RGS5: variants seen among roughly 807,000 people sequenced by gnomAD.
RGS5 encodes the protein regulator of G protein signaling 5, also known as regulator of G-protein signalling 5.
Under a neutral mutation model 18.9 loss-of-function variants are expected in RGS5, and 20 were observed. The ratio of observed to expected loss-of-function variants is 1.06; its 90% CI spans 0.74 to 1.54. RGS5 has a LOEUF of 1.54. Ranked by LOEUF, RGS5 falls within the 40% of genes most tolerant of loss-of-function variation. The pLI, the probability that RGS5 is intolerant of heterozygous loss-of-function variation, is 0.00. For synonymous variants in RGS5, 57 were observed against 76.2 expected (o/e 0.75, Z 1.31); for missense variants, 201 against 211.8 (o/e 0.95, Z 0.32).
chr1:163,245,471 T>C (rs889660042), intron 2 of RGS5, among the ~76,000 whole-genome samples: 2 of 152,250 alleles, frequency 1.3e-5, no homozygotes, highest in South Asian at 4.1e-4. Flanking sequence ...AACTTTAGCA[T>C]TGACATCATT....
upstream of RGS5, chr1:163,206,873 T>A (rs945544874): frequency 6.6e-6 from 1 of 152,198 alleles, no homozygotes; most frequent in African/African-American, 2.4e-5. Context: ...ACTAAGACAA[T>A]ATGAATTCAT....
At chr1:163,240,905 A>C (rs1647774580) in intron 2 of RGS5, among the ~76,000 whole-genome samples, 1 of 152,170 alleles carries the variant, frequency 6.6e-6, no homozygotes, top group Admixed American at 6.5e-5. Flanking sequence ...GTGATGGCAC[A>C]CGCCTATAGC....
chr1:163,287,205 T>C (rs1649166661), intron 2 of RGS5, among the ~76,000 whole-genome samples: 1 of 152,218 alleles, frequency 6.6e-6, no homozygotes, highest in Non-Finnish European at 1.5e-5. Flanking sequence ...TGTGTTTCCC[T>C]TCTTACCTTT....
At chr1:163,199,781 C>A (rs748141537) in intron 1 of RGS5, among the ~76,000 whole-genome samples, 4 of 151,950 alleles carry the variant, frequency 2.6e-5, no homozygotes, top group Non-Finnish European at 5.9e-5. Flanking sequence ...TCATTCCTCC[C>A]AAACTTTATT....
At chr1:163,183,954 T>C (rs1228742160) in intron 1 of RGS5, among the ~76,000 whole-genome samples, 1 of 152,206 alleles carries the variant, frequency 6.6e-6, no homozygotes, top group Non-Finnish European at 1.5e-5. Flanking sequence ...TCGAGGTACA[T>C]GCAAATCACA....
intron 2 of RGS5, among the ~76,000 whole-genome samples, chr1:163,163,126 C>T (rs770801641): frequency 3.3e-5 from 5 of 151,896 alleles, no homozygotes; most frequent in African/African-American, 4.8e-5. Context: ...CTGTCCCAGG[C>T]GCAGAATCAG....
At chr1:163,214,581 C>G (rs925653370) in intron 1 of RGS5, among the ~76,000 whole-genome samples, 5 of 152,118 alleles carry the variant, frequency 3.3e-5, no homozygotes, top group African/African-American at 1.2e-4. Context: ...TTCAGTCTCT[C>G]TTCAAGAACC....
At chr1:163,278,799 A>G (rs989447412) in intron 2 of RGS5, among the ~76,000 whole-genome samples, 5 of 152,134 alleles carry the variant, frequency 3.3e-5, no homozygotes, top group African/African-American at 1.2e-4. Flanking sequence ...GCTGCCTACA[A>G]GAAACTCACT....
chr1:163,188,982 A>G (rs1026570684), intron 1 of RGS5, among the ~76,000 whole-genome samples: 1 of 149,916 alleles, frequency 6.7e-6, no homozygotes, highest in Non-Finnish European at 1.5e-5. Context: ...AAGCTACTGT[A>G]AGGTTGTAAG....
upstream of RGS5, among the ~76,000 whole-genome samples, chr1:163,220,533 G>A (rs113458736): frequency 4.7e-4 from 72 of 151,952 alleles, no homozygotes; most frequent in African/African-American, 1.6e-3. Context: ...GATTCTTTAC[G>A]GTGACTTTCA....
chr1:163,171,653 A>G (rs1054977439), intron 1 of RGS5, among the ~76,000 whole-genome samples: 1 of 152,124 alleles, frequency 6.6e-6, no homozygotes, highest in Non-Finnish European at 1.5e-5. Context: ...TGATTTCCTG[A>G]TGCAAGAATA....
intron 2 of RGS5, among the ~76,000 whole-genome samples, chr1:163,274,657 A>C (rs898737750): frequency 6.6e-6 from 1 of 152,140 alleles, no homozygotes; most frequent in Non-Finnish European, 1.5e-5. Flanking sequence ...AGTTGGGGGC[A>C]CTCTGTGGGA....
chr1:163,173,450 A>AG lies in RGS5; in HGVS notation c.45-5083dup, dbSNP rs1295764887. On this transcript the variant is annotated intron_variant, in intron 1 of 4. Coordinates refer to ENST00000313961, the MANE Select transcript of RGS5 (RefSeq NM_003617.4). ...GTGTGGGTATGCTGGCTGGCTGGGA[A>AG]GTCAAAACTCAAAAGGCCACGGACC... is the stretch of plus-strand genomic sequence containing the variant. Among the ~76,000 whole-genome samples, 3 of 152,172 alleles carry AG rather than the reference A, an allele frequency of 2.0e-5. No individual in the cohort carries two copies. In the East Asian group the frequency reaches 5.8e-4, roughly 29 times the overall value.
chr1:163,218,003 T>C (rs1491001664), upstream of RGS5, among the ~76,000 whole-genome samples: 1 of 151,162 alleles, frequency 6.6e-6, no homozygotes, highest in Non-Finnish European at 1.5e-5. Context: ...ATGCCTGGAA[T>C]AGAGACAAGC....
chr1:163,307,644 T>C (rs1313640112), intron 1 of RGS5, among the ~76,000 whole-genome samples: 1 of 151,604 alleles, frequency 6.6e-6, no homozygotes, highest in Non-Finnish European at 1.5e-5. Context: ...GGAGCTTTAG[T>C]AACACATGAT....
chr1:163,168,101 A>G (rs773774575), intron 2 of RGS5, among the ~76,000 whole-genome samples, 157 bp downstream of exon 2: 3 of 152,186 alleles, frequency 2.0e-5, no homozygotes, highest in Non-Finnish European at 2.9e-5. Flanking sequence ...GTTGAGAAAA[A>G]AAAAAAGAGC....
At chr1:163,217,521 C>T (rs1303310227) in intron 1 of RGS5, 4 of 1,532,584 alleles carry the variant, frequency 2.6e-6, no homozygotes, top group Non-Finnish European at 3.5e-6. Context: ...AATATTTGTA[C>T]ATACATTGAT....
chr1:163,300,261 G>A (rs552988916), intron 2 of RGS5: 4 of 152,334 alleles, frequency 2.6e-5, no homozygotes, highest in South Asian at 2.1e-4. Context: ...TCACTGGGAC[G>A]GAAGAGTGTC....
At position 163,277,766 on chromosome 1, in the gene RGS5, T is replaced by G. The variant is rs7539787; in HGVS notation, c.-281+28467A>C. Among the ~76,000 whole-genome samples the G allele has an allele frequency of 4.9e-3, 747 of 152,100 alleles. 5 individuals carry two copies. Among genetic ancestry groups the G allele is most frequent in the African/African-American group, 0.017 (703 of 41,496 alleles). On this transcript the variant is annotated intron_variant, in intron 2 of 5. Transcript: ENST00000618415. ...CATGAGAGGAACACAAATAGATAAT[T>G]CAAAGAAATCAAGGAAACAATTCAT...
Sources: gnomAD v4.1 joint callset for allele counts (sites outside exome capture counted in the v4.1 genomes callset) on GRCh38, gnomAD v4.1.1 for gene constraint, MANE v1.5 for transcripts, NCBI Gene and HGNC (gene_info 2026-07-23, HGNC 2026-07-21) for gene names.